Variants in EXOC5 observed in about 807,000 individuals in gnomAD.
The protein encoded by EXOC5 is exocyst complex component 5, also known as SEC10-like 1.
A neutral mutation model predicts 90.8 loss-of-function variants in EXOC5; 17 were observed. The observed-to-expected ratio is 0.19, with a 90% confidence interval of 0.13 to 0.28. The LOEUF (loss-of-function observed/expected upper bound fraction) is 0.28. Ranked by LOEUF, EXOC5 falls within the 10% of genes least tolerant of loss-of-function variation. EXOC5 has a pLI of 1.00. For synonymous variants in EXOC5, 260 were observed against 270.0 expected (o/e 0.96, Z 0.36); for missense variants, 569 against 830.6 (o/e 0.69, Z 3.87).
chr14:57,256,889 G>A (rs907244735), intron 1 of EXOC5, among the ~76,000 whole-genome samples: 5 of 152,196 alleles, frequency 3.3e-5, no homozygotes, highest in South Asian at 2.1e-4. Context: ...GCCACTGGAC[G>A]AAAACTGTAA....
At chr14:57,242,165 A>AC (rs373641613) in intron 4 of EXOC5, among the ~76,000 whole-genome samples, 2 of 151,740 alleles carry the variant, frequency 1.3e-5, no homozygotes, top group African/African-American at 4.8e-5. Context: ...AGAAAAAAAA[A>AC]CAAAACCAAC....
At chr14:57,267,371 T>C (rs1884702233) in intron 1 of EXOC5, among the ~76,000 whole-genome samples, 1 of 152,186 alleles carries the variant, frequency 6.6e-6, no homozygotes, top group Non-Finnish European at 1.5e-5. Flanking sequence ...AAAAGCATTA[T>C]CTATCCAAAA....
At chr14:57,216,761 C>T (rs773875598) in intron 15 of EXOC5, among the ~76,000 whole-genome samples, 1 of 152,110 alleles carries the variant, frequency 6.6e-6, no homozygotes, top group Non-Finnish European at 1.5e-5. Context: ...CTCAAAAGCA[C>T]AGGCAACAGA....
At chr14:57,241,988 C>A (rs774838473) in intron 4 of EXOC5, among the ~76,000 whole-genome samples, 34 of 151,634 alleles carry the variant, frequency 2.2e-4, no homozygotes, top group Non-Finnish European at 4.1e-4. Context: ...AAAAAATTAG[C>A]CGGGTATGGT....
intron 5 of EXOC5, among the ~76,000 whole-genome samples, chr14:57,238,261 T>C (rs1364150015): frequency 5.2e-5 from 7 of 133,644 alleles, no homozygotes; most frequent in African/African-American, 1.9e-4. Flanking sequence ...CACACTCATA[T>C]TCACCACCAC....
intron 2 of EXOC5, 86 bp downstream of exon 2, chr14:57,247,532 C>T: frequency 1.8e-6 from 1 of 563,560 alleles, no homozygotes; most frequent in Non-Finnish European, 3.1e-6. Flanking sequence ...TAGAGGAATG[C>T]TGAAAGCAAT....
At chr14:57,264,376 G>A (rs1884607394) in intron 1 of EXOC5, among the ~76,000 whole-genome samples, 1 of 152,072 alleles carries the variant, frequency 6.6e-6, no homozygotes, top group South Asian at 2.1e-4. Flanking sequence ...GAAAAATTAA[G>A]AGACAAATAA....
chr14:57,220,199 C>T (rs1883087498), intron 13 of EXOC5, among the ~76,000 whole-genome samples: 1 of 150,328 alleles, frequency 6.7e-6, no homozygotes, highest in African/African-American at 2.5e-5. Context: ...AAGGTGTTTC[C>T]CTCCGCCCCC....
chr14:57,238,720 T>C (rs1440427155), intron 5 of EXOC5, among the ~76,000 whole-genome samples: 1 of 151,960 alleles, frequency 6.6e-6, no homozygotes, highest in Non-Finnish European at 1.5e-5. Context: ...ATAAAATAGA[T>C]ACATTTTTAG....
At chr14:57,264,133 C>T (rs10141911) in intron 1 of EXOC5, among the ~76,000 whole-genome samples, 34,930 of 152,130 alleles carry the variant, frequency 0.23, 9,520 homozygotes, top group African/African-American at 0.66. Flanking sequence ...ATTCATTCAA[C>T]GTTTGCAGAA....
At chr14:57,217,071 C>T (rs1882997313) in intron 15 of EXOC5, among the ~76,000 whole-genome samples, 1 of 152,104 alleles carries the variant, frequency 6.6e-6, no homozygotes, top group South Asian at 2.1e-4. Flanking sequence ...CACTTCACAC[C>T]CGTTAGGATG....
At chr14:57,250,134 G>A (rs1297076598) in intron 1 of EXOC5, among the ~76,000 whole-genome samples, 1 of 152,120 alleles carries the variant, frequency 6.6e-6, no homozygotes, top group East Asian at 1.9e-4. Context: ...TAAATTTTGA[G>A]CAAAGATCTG....
chr14:57,222,940 G>A (rs965681921), intron 12 of EXOC5, among the ~76,000 whole-genome samples: 11 of 151,988 alleles, frequency 7.2e-5, no homozygotes, highest in Middle Eastern at 3.4e-3. Flanking sequence ...TTTTACTGGG[G>A]AGTAAAGATG....
rs568998017 is a variant in EXOC5, at chr14:57,214,075, T to C, written c.1613+3907A>G. On this transcript the variant is annotated intron_variant, in intron 15 of 17. Transcript: ENST00000621441. ...TTTTTGAGATTCCACAACATCTTTA[T>C]ACCACAGAGCACAGAATAAGGAGAA... 8.5e-5 allele frequency among the ~76,000 whole-genome samples: 13 copies of C among 152,264 alleles called. No individual in the cohort carries two copies. The South Asian group carries it at 2.7e-3, about 32-fold the overall frequency.
At chr14:57,219,036 G>A (rs1453530936) in intron 14 of EXOC5, among the ~76,000 whole-genome samples, 4 of 151,870 alleles carry the variant, frequency 2.6e-5, no homozygotes, top group Non-Finnish European at 5.9e-5. Context: ...CTAAGCTGGA[G>A]GTCCTCTTTC....
intron 1 of EXOC5, among the ~76,000 whole-genome samples, chr14:57,265,590 A>G (rs1884648090): frequency 6.6e-6 from 1 of 152,084 alleles, no homozygotes; most frequent in Non-Finnish European, 1.5e-5. Context: ...CTGGGCATGG[A>G]GGCAGGCACC....
At chr14:57,221,525 T>A (rs916036787) in intron 13 of EXOC5, among the ~76,000 whole-genome samples, 1 of 152,056 alleles carries the variant, frequency 6.6e-6, no homozygotes, top group Non-Finnish European at 1.5e-5. Flanking sequence ...GTGGCATCAG[T>A]GAAGATGGAG....
intron 15 of EXOC5, among the ~76,000 whole-genome samples, chr14:57,215,600 T>C (rs1882949982): frequency 6.6e-6 from 1 of 151,464 alleles, no homozygotes; most frequent in Admixed American, 6.6e-5. Context: ...AAAAAAACGC[T>C]TCTGGTAAAA....
chr14:57,237,497 C>A, intron 5 of EXOC5, 131 bp from the exon 6 acceptor site: 2 of 559,922 alleles, frequency 3.6e-6, no homozygotes, highest in Non-Finnish European at 6.4e-6. Context: ...TGCAACTTTT[C>A]TGTAAATCCA....
Sources: allele counts gnomAD v4.1 joint callset (sites outside exome capture counted in the v4.1 genomes callset), GRCh38; gene constraint gnomAD v4.1.1; transcripts MANE v1.5; gene names NCBI Gene and HGNC (gene_info 2026-07-23, HGNC 2026-07-21).